The following CAGE1 variants were observed in gnomAD, a reference collection of about 807,000 sequenced individuals.
The protein encoded by CAGE1 is cancer antigen 1, also known as cancer-associated gene 1 protein.
CAGE1 carries 66 observed loss-of-function variants against 94.9 expected under a neutral mutation model. The ratio of observed to expected loss-of-function variants is 0.70; its 90% CI spans 0.57 to 0.85. CAGE1 has a LOEUF of 0.85. Among genes scored for constraint, CAGE1 ranks in the 40% least tolerant of loss-of-function variants. CAGE1 has a pLI of 0.00. For missense variants in CAGE1, 865 were observed against 950.4 expected (o/e 0.91, Z 1.18); for synonymous variants, 319 against 321.0 (o/e 0.99, Z 0.07).
At chr6:7,365,760 A>T in intron 8 of CAGE1, 44 bp downstream of exon 8, 1 of 1,366,922 alleles carries the variant, frequency 7.3e-7, no homozygotes, top group Non-Finnish European at 1.0e-6. Flanking sequence ...CTGAAATTGT[A>T]TATTTTTATG....
At chr6:7,358,369 A>T (rs1201714667) in intron 9 of CAGE1, among the ~76,000 whole-genome samples, 4 of 152,130 alleles carry the variant, frequency 2.6e-5, no homozygotes, top group Admixed American at 2.6e-4. Flanking sequence ...TCAGTAGTTC[A>T]TCCCTTTTTT....
intron 11 of CAGE1, among the ~76,000 whole-genome samples, chr6:7,334,342 C>T (rs2113348779): frequency 6.6e-6 from 1 of 152,272 alleles, no homozygotes; most frequent in East Asian, 1.9e-4. Context: ...AAGCAGCATT[C>T]AGATATTCTC....
intron 11 of CAGE1, among the ~76,000 whole-genome samples, chr6:7,349,503 T>TA (rs1375322089): frequency 6.7e-6 from 1 of 150,344 alleles, no homozygotes; most frequent in Non-Finnish European, 1.5e-5. Flanking sequence ...AAATACAATT[T>TA]AAAAAACAAA....
At chr6:7,338,984 AGTTGG>A (rs1407919182) in intron 11 of CAGE1, 1 of 1,608,666 alleles carries the variant, frequency 6.2e-7, no homozygotes, top group African/African-American at 1.3e-5. Context: ...CAATCTTACC[AGTTGG>A]GTCCCAGGGC....
chr6:7,355,258 G>A (rs533226308), intron 10 of CAGE1, 147 bp from the exon 11 acceptor site: 8 of 570,032 alleles, frequency 1.4e-5, no homozygotes, highest in South Asian at 1.0e-4. Context: ...TTTGAAATCA[G>A]GAACATGAAA....
rs192707554 is a variant in CAGE1, at chr6:7,339,758, T to C, written c.2370-5668A>G. Among the ~76,000 whole-genome samples, 138 of 152,360 alleles carry C rather than the reference T, an allele frequency of 9.1e-4. 1 individual carries two copies. Among genetic ancestry groups the C allele is most frequent in the Middle Eastern group, 3.4e-3 (1 of 294 alleles). On this transcript the variant is annotated intron_variant, in intron 11 of 13. Transcript: ENST00000502583. The surrounding 1 kb of genome is among the most constrained non-coding windows in gnomAD (Gnocchi z 4.7). ...TGAATGCCATTATTTCATTCCTTTT[T>C]ATGGCTGAATAGCATTCCGTGGTGT...
Position 7,378,621 on chromosome 6 carries a change from C to G in CAGE1, c.683G>C (p.Cys228Ser), listed in dbSNP as rs768036128. 1.1e-4 allele frequency: 168 copies of G among 1,576,792 alleles called. No homozygotes were observed. Among genetic ancestry groups the G allele is most frequent in the Non-Finnish European group, 1.4e-4 (165 of 1,166,848 alleles). The change falls in exon 4 of 14, where the codon TGT becomes TCT. Residue 228 changes from cysteine (C) to serine (S), a missense_variant. Cys to Ser is a moderately radical substitution (Grantham distance 112, BLOSUM62 -1). Transcript: ENST00000502583. Reference protein sequence around the residue: ...LNPSQPPSFLCKTAVPSKEIQ... With the variant: ...LNPSQPPSFLSKTAVPSKEIQ... ...AATATTATTGTGTACACTTTCCTTA[C>G]ATAAGAAGCTTGGAGGTTGGCTAGG...
At chr6:7,378,363 G>A (rs1389463417) in intron 4 of CAGE1, among the ~76,000 whole-genome samples, 1 of 152,016 alleles carries the variant, frequency 6.6e-6, no homozygotes, top group East Asian at 1.9e-4. Context: ...TTTCTGAATT[G>A]GCTAAGATCT....
chr6:7,341,461 C>CTA, intron 11 of CAGE1: 1 of 1,114,548 alleles, frequency 9.0e-7, no homozygotes, highest in South Asian at 1.2e-5. Context: ...GTAGGTTATA[C>CTA]CTCTTGGCAA....
At chr6:7,369,274 C>T (rs1295561122) in intron 6 of CAGE1, among the ~76,000 whole-genome samples, 1 of 152,130 alleles carries the variant, frequency 6.6e-6, no homozygotes, top group Non-Finnish European at 1.5e-5. Context: ...TCCCAAATTG[C>T]TGGGATTACA....
At chr6:7,350,064 A>T (rs1320166317) in intron 11 of CAGE1, among the ~76,000 whole-genome samples, 1 of 152,206 alleles carries the variant, frequency 6.6e-6, no homozygotes, top group Non-Finnish European at 1.5e-5. Flanking sequence ...GGGTGGAAAA[A>T]GGCATTTCAT....
chr6:7,328,916 G>GTA (rs1180561683), intron 13 of CAGE1, among the ~76,000 whole-genome samples: 13 of 33,870 alleles, frequency 3.8e-4, no homozygotes, highest in Admixed American at 2.3e-3. Context: ...GTGTGTGTGT[G>GTA]TGTATATATA....
chr6:7,358,100 T>C (rs1760043497), intron 9 of CAGE1, among the ~76,000 whole-genome samples: 1 of 131,234 alleles, frequency 7.6e-6, no homozygotes, highest in Non-Finnish European at 1.6e-5. Flanking sequence ...AGCATCAAGA[T>C]AATGAGTCTG....
At chr6:7,331,910 C>G (rs1387532284) in intron 12 of CAGE1, among the ~76,000 whole-genome samples, 1 of 152,174 alleles carries the variant, frequency 6.6e-6, no homozygotes. Context: ...CTACTTTAAG[C>G]TTTTTGCACT....
intron 11 of CAGE1, chr6:7,341,928 C>T (rs973295058): frequency 3.2e-5 from 23 of 711,400 alleles, no homozygotes; most frequent in Non-Finnish European, 3.5e-5. Context: ...CAATGCCGTT[C>T]GTGTCACTTT....
At chr6:7,337,555 T>C (rs1759005216) in intron 11 of CAGE1, among the ~76,000 whole-genome samples, 2 of 152,166 alleles carry the variant, frequency 1.3e-5, no homozygotes, top group South Asian at 4.1e-4. Flanking sequence ...GTGGAGTGTA[T>C]AAATCAAAGT....
intron 9 of CAGE1, among the ~76,000 whole-genome samples, chr6:7,358,570 G>A (rs1760060122): frequency 6.6e-6 from 1 of 152,170 alleles, no homozygotes; most frequent in Non-Finnish European, 1.5e-5. Context: ...GCCAGGCACA[G>A]TGTCTCATGC....
chr6:7,367,278 ATTT>A (rs70978961), intron 7 of CAGE1, among the ~76,000 whole-genome samples: 2 of 111,202 alleles, frequency 1.8e-5, no homozygotes, highest in South Asian at 3.0e-4. Flanking sequence ...TATTTGGGGG[ATTT>A]TTTTTTTTTT....
intron 11 of CAGE1, chr6:7,342,202 C>A: frequency 1.1e-6 from 1 of 917,534 alleles, no homozygotes; most frequent in Non-Finnish European, 1.8e-6. Flanking sequence ...TCTGACATCA[C>A]CCCTAGAGTC....
Sources: gnomAD v4.1 joint callset for allele counts (sites outside exome capture counted in the v4.1 genomes callset) on GRCh38, gnomAD v4.1.1 for gene constraint, Gnocchi (gnomAD v3.1) non-coding constraint, MANE v1.5 for transcripts, NCBI Gene and HGNC (gene_info 2026-07-23, HGNC 2026-07-21) for gene names.